The following FBXO38 variants were observed in gnomAD, a reference collection of about 807,000 sequenced individuals.
FBXO38 encodes the protein F-box only protein 38.
A neutral mutation model predicts 131.9 loss-of-function variants in FBXO38; 53 were observed. The ratio of observed to expected loss-of-function variants is 0.40; its 90% CI spans 0.32 to 0.51. The LOEUF (loss-of-function observed/expected upper bound fraction) is 0.51. Ranked by LOEUF, FBXO38 falls within the 20% of genes least tolerant of loss-of-function variation. The pLI is 0.53. For missense variants in FBXO38, 1,076 were observed against 1,475.6 expected (o/e 0.73, Z 4.44); for synonymous variants, 452 against 505.6 (o/e 0.89, Z 1.42).
rs751618541 is a variant in FBXO38, at chr5:148,427,696, G to T, written c.2402G>T (p.Arg801Leu). The T allele has an allele frequency of 5.0e-6, 8 of 1,614,070 alleles. No individual in the cohort carries two copies. Among genetic ancestry groups the T allele is most frequent in the Non-Finnish European group, 6.8e-6 (8 of 1,180,034 alleles). ...GATGAGGAACGTCCTTCAACCAGCC[G>T]AGCCTGTGTTGTGAATGGCCCGGAT... ...CSDEERPSTS[R>L]ACVVNGPDGT... Residue 801 changes from arginine to leucine, a missense_variant, in exon 15 of 22, where the codon CGA becomes CTA. Coordinates refer to ENST00000340253, the MANE Select transcript of FBXO38 (RefSeq NM_205836.3).
Position 148,406,264 on chromosome 5 carries a change from A to G in FBXO38, c.738A>G (p.Thr246=). Residue 246 remains threonine (T), a synonymous_variant, in exon 7 of 22, where the codon ACA becomes ACG. Coordinates refer to ENST00000340253, the MANE Select transcript of FBXO38 (RefSeq NM_205836.3). ...ATTTTTTTTTTTTTCCAGGACCCACAAATTCCTTGAAATATGTCCCTTTAG... is the reference window on the plus strand; with the variant it reads ...ATTTTTTTTTTTTTCCAGGACCCACGAATTCCTTGAAATATGTCCCTTTAG... The part of the protein sequence containing the change: ...TFVMRNCAGP[T]NSLKYVPLVT... The G allele has an allele frequency of 6.4e-7, 1 of 1,571,174 alleles. No individual in the cohort carries two copies. Among genetic ancestry groups the G allele is most frequent in the Non-Finnish European group, 8.6e-7 (1 of 1,164,150 alleles).
chr5:148,425,472 G>C lies in FBXO38; in HGVS notation c.1739-50G>C, dbSNP rs780297692. 1.3e-5 allele frequency: 18 copies of C among 1,437,058 alleles called. No homozygotes were observed. The Middle Eastern group carries it at 7.1e-4, about 57-fold the overall frequency. The allele number at this position is 1,437,058 out of a possible 1,614,324, so 89.0% of individuals were successfully genotyped here. On this transcript the variant is annotated intron_variant, in intron 13 of 21. Coordinates refer to ENST00000340253, the MANE Select transcript of FBXO38 (RefSeq NM_205836.3). Reference sequence around the variant, plus strand: ...TCCCTGGAAACAGTACTTTGCATTAGATCCTTTCTTGCGCAAAAAGTAACT... The same window carrying C: ...TCCCTGGAAACAGTACTTTGCATTACATCCTTTCTTGCGCAAAAAGTAACT...
chr5:148,419,627 T>G (rs1753282188), intron 12 of FBXO38, among the ~76,000 whole-genome samples: 1 of 152,094 alleles, frequency 6.6e-6, no homozygotes, highest in South Asian at 2.1e-4. Flanking sequence ...CACATGCCTG[T>G]AACCTCAGGA....
chr5:148,396,023 A>C (rs534573027), intron 2 of FBXO38, among the ~76,000 whole-genome samples: 45 of 152,156 alleles, frequency 3.0e-4, no homozygotes, highest in Non-Finnish European at 5.4e-4. Flanking sequence ...GAAGTTTTAA[A>C]ATAGCAATAA....
chr5:148,420,146 A>G (rs756501650), intron 12 of FBXO38, among the ~76,000 whole-genome samples: 4 of 147,498 alleles, frequency 2.7e-5, no homozygotes, highest in Non-Finnish European at 6.0e-5. Flanking sequence ...TTTTTTTGAG[A>G]CAGAGTCTCA....
intron 21 of FBXO38, chr5:148,441,552 G>T (rs1754685350): frequency 4.5e-6 from 1 of 220,786 alleles, no homozygotes; most frequent in Admixed American, 5.7e-5. Flanking sequence ...TGTTCCAATT[G>T]TATTATTCTC....
chr5:148,412,657 A>G (rs995580413), intron 9 of FBXO38, among the ~76,000 whole-genome samples: 7 of 151,570 alleles, frequency 4.6e-5, no homozygotes, highest in African/African-American at 1.7e-4. Flanking sequence ...AGCTTGAGGG[A>G]GAGAGAGAAT....
chr5:148,400,484 G>A (rs1177015924), intron 3 of FBXO38, among the ~76,000 whole-genome samples: 2 of 152,116 alleles, frequency 1.3e-5, no homozygotes, highest in East Asian at 1.9e-4. Flanking sequence ...TGACTTTTAG[G>A]CTATGATAAA....
intron 18 of FBXO38, among the ~76,000 whole-genome samples, chr5:148,438,928 G>C (rs1217276298): frequency 6.6e-6 from 1 of 152,146 alleles, no homozygotes; most frequent in Non-Finnish European, 1.5e-5. Context: ...ATTATTAAGA[G>C]TATATTGTAT....
At chr5:148,430,179 A>T (rs1753961755) in intron 15 of FBXO38, 2 of 146,860 alleles carry the variant, frequency 1.4e-5, no homozygotes, top group Non-Finnish European at 3.0e-5. Context: ...TTTTGAGACG[A>T]ATTCTCGCTG....
chr5:148,404,018 T>C (rs1357915517), intron 5 of FBXO38, among the ~76,000 whole-genome samples: 1 of 152,158 alleles, frequency 6.6e-6, no homozygotes, highest in African/African-American at 2.4e-5. Context: ...TTCCTAGTAT[T>C]AAGCCACTCC....
rs527324735 is a variant in FBXO38 at position 148,401,420 on chromosome 5, T to C, written c.263-562T>C. On this transcript the variant is annotated intron_variant, in intron 3 of 21. Coordinates refer to ENST00000340253, the MANE Select transcript of FBXO38 (RefSeq NM_205836.3). ...CTGTCTTTTTCAAAAGAATTAATTG[T>C]CTAAAATGGCGGGGGAGTAATAGTT... Among the ~76,000 whole-genome samples the C allele has an allele frequency of 4.6e-5, 7 of 152,264 alleles. No homozygotes were observed. The East Asian group carries it at 1.2e-3, about 25-fold the overall frequency.
At chr5:148,393,413 A>G (rs1407646731) in intron 1 of FBXO38, among the ~76,000 whole-genome samples, 1 of 151,978 alleles carries the variant, frequency 6.6e-6, no homozygotes, top group Non-Finnish European at 1.5e-5. Context: ...CATATACTTA[A>G]AGTACCCTCT....
At chr5:148,439,906 A>G (rs576682807) in intron 19 of FBXO38, 114 bp downstream of exon 19, 572 of 1,081,724 alleles carry the variant, frequency 5.3e-4, no homozygotes, top group Non-Finnish European at 7.2e-4. Context: ...AGCTTTTCAA[A>G]CAAGCTTATC....
chr5:148,397,629 A>G (rs551281664), intron 2 of FBXO38: 1 of 152,160 alleles, frequency 6.6e-6, no homozygotes, highest in Non-Finnish European at 1.5e-5. Flanking sequence ...GGGTAAGAAG[A>G]GGGACGAGAA....
chr5:148,415,396 C>G (rs1402387075), intron 10 of FBXO38: 2 of 152,864 alleles, frequency 1.3e-5, no homozygotes, highest in African/African-American at 2.4e-5. Context: ...AGGTAACCAT[C>G]ATCAACAGTT....
At chr5:148,414,847 C>G (rs1752961738) in intron 10 of FBXO38, among the ~76,000 whole-genome samples, 1 of 152,132 alleles carries the variant, frequency 6.6e-6, no homozygotes, top group Non-Finnish European at 1.5e-5. Flanking sequence ...ATTTTCCTCT[C>G]AGAGTAATGT....
chr5:148,436,728 C>A (rs1581305664), intron 17 of FBXO38, among the ~76,000 whole-genome samples: 1 of 152,336 alleles, frequency 6.6e-6, no homozygotes, highest in East Asian at 1.9e-4. Context: ...TCAAGCACTA[C>A]TTCTCCTCTG....
At chr5:148,393,288 C>T (rs1047410585) in intron 1 of FBXO38, among the ~76,000 whole-genome samples, 1 of 149,398 alleles carries the variant, frequency 6.7e-6, no homozygotes, top group African/African-American at 2.5e-5. Flanking sequence ...CATAACCTTT[C>T]AGTGAGGGAA....
Sources: allele counts gnomAD v4.1 joint callset (sites outside exome capture counted in the v4.1 genomes callset), GRCh38; gene constraint gnomAD v4.1.1; transcripts MANE v1.5; gene names NCBI Gene and HGNC (gene_info 2026-07-23, HGNC 2026-07-21).